The following ZDHHC7 variants were observed in gnomAD, a reference collection of about 807,000 sequenced individuals.
ZDHHC7 encodes zDHHC palmitoyltransferase 7, also known as palmitoyltransferase ZDHHC7.
ZDHHC7 carries 12 observed loss-of-function variants against 34.1 expected under a neutral mutation model. That is an observed-to-expected ratio of 0.35 (90% CI 0.23 to 0.57). ZDHHC7 has a LOEUF of 0.57. Among genes scored for constraint, ZDHHC7 ranks in the 20% least tolerant of loss-of-function variants. The probability of loss-of-function intolerance (pLI) is 0.84; values close to 1 mark genes in which losing one functional copy is unlikely to be tolerated. For missense variants in ZDHHC7, 388 were observed against 402.7 expected (o/e 0.96, Z 0.31); for synonymous variants, 185 against 155.4 (o/e 1.19, Z -1.42).
chr16:84,985,714 G>A (rs1349577901), intron 3 of ZDHHC7, among the ~76,000 whole-genome samples: 1 of 151,996 alleles, frequency 6.6e-6, no homozygotes, highest in Admixed American at 6.5e-5. Flanking sequence ...TAGAACTTTG[G>A]GAGGCCGAGG....
At chr16:85,011,826 C>T (rs2072798598), upstream of ZDHHC7, among the ~76,000 whole-genome samples, 1 of 152,198 alleles carries the variant, frequency 6.6e-6, no homozygotes, top group Non-Finnish European at 1.5e-5. Context: ...CCCGCGCCCG[C>T]GGCGGTGTCT....
chr16:84,978,304 C>A (rs1482602360), intron 5 of ZDHHC7, among the ~76,000 whole-genome samples: 1 of 152,164 alleles, frequency 6.6e-6, no homozygotes, highest in Non-Finnish European at 1.5e-5. Context: ...TTAAACAAGT[C>A]TTTCTAAGAG....
chr16:84,983,123 G>C (rs1489810783), intron 3 of ZDHHC7, among the ~76,000 whole-genome samples: 1 of 152,236 alleles, frequency 6.6e-6, no homozygotes, highest in East Asian at 1.9e-4. Flanking sequence ...CTGCCTCTTA[G>C]CCTGGATCCT....
rs1014012453 is a variant in ZDHHC7 at position 85,007,555 on chromosome 16, A to G, written c.-104+3731T>C. 4.6e-5 allele frequency among the ~76,000 whole-genome samples: 7 copies of G among 152,126 alleles called. No individual in the cohort carries two copies. In the East Asian group the frequency reaches 1.4e-3, roughly 29 times the overall value. ...TGGAAAAAACAATCAAAAAGGCAAG[A>G]GATAGTAAATGATAATTCACAGTCC... On this transcript the variant is annotated intron_variant, in intron 1 of 7. Transcript: ENST00000313732.
upstream of ZDHHC7, among the ~76,000 whole-genome samples, chr16:85,016,181 TTTATTA>T (rs1218468603): frequency 6.6e-6 from 1 of 151,974 alleles, no homozygotes; most frequent in East Asian, 1.9e-4. Flanking sequence ...CTTTTTAAAT[TTTATTA>T]TTATTATTTA....
the ZDHHC7 span, among the ~76,000 whole-genome samples, chr16:85,019,265 G>A: frequency 6.6e-6 from 1 of 152,064 alleles, no homozygotes; most frequent in African/African-American, 2.4e-5. Context: ...CACTTACCCC[G>A]TTGACTATTC....
chr16:84,997,457 G>C (rs940237305), intron 1 of ZDHHC7, among the ~76,000 whole-genome samples: 1 of 150,714 alleles, frequency 6.6e-6, no homozygotes, highest in Non-Finnish European at 1.5e-5. Flanking sequence ...ATTTTTAGTA[G>C]AGACGTGGTT....
At chr16:85,006,613 A>C (rs888818283) in intron 1 of ZDHHC7, among the ~76,000 whole-genome samples, 5 of 151,886 alleles carry the variant, frequency 3.3e-5, no homozygotes, top group Non-Finnish European at 5.9e-5. Flanking sequence ...AGTGGCATGC[A>C]CCTGTAGCCC....
Position 85,008,033 on chromosome 16 carries a change from T to C in ZDHHC7, c.-104+3253A>G, listed in dbSNP as rs2072740624. On this transcript the variant is annotated intron_variant, in intron 1 of 7. Transcript: ENST00000313732. ...AGGAGGCTGAGGTAGAAGAAACCAC[T>C]TGAGCCCAGGAGATCAAGGCTGTAG... Among the ~76,000 whole-genome samples the C allele has an allele frequency of 7.9e-5, 12 of 151,926 alleles. No individual in the cohort carries two copies. In the South Asian group the frequency reaches 2.3e-3, roughly 29 times the overall value.
chr16:84,982,142 C>T, intron 3 of ZDHHC7, 148 bp from the exon 4 acceptor site: 1 of 953,108 alleles, frequency 1.0e-6, no homozygotes, highest in South Asian at 1.5e-5. Flanking sequence ...CCAGCCTGGC[C>T]AACCCAGCCT....
intron 1 of ZDHHC7, among the ~76,000 whole-genome samples, chr16:85,000,318 C>T (rs1160307086): frequency 6.6e-6 from 1 of 152,102 alleles, no homozygotes; most frequent in Non-Finnish European, 1.5e-5. Flanking sequence ...GGATAACCCG[C>T]GTTCCTGAGT....
intron 4 of ZDHHC7, among the ~76,000 whole-genome samples, chr16:84,980,648 C>T (rs1205117068): frequency 1.3e-5 from 2 of 151,970 alleles, no homozygotes; most frequent in Admixed American, 6.6e-5. Context: ...CCAGCCTGGG[C>T]GACAGAGCAA....
the ZDHHC7 span, among the ~76,000 whole-genome samples, chr16:85,026,906 G>C: frequency 3.9e-5 from 6 of 152,236 alleles, no homozygotes; most frequent in African/African-American, 1.4e-4. Flanking sequence ...TTTGCTAGGT[G>C]CTGGAGTCGA....
chr16:84,997,917 A>C (rs146461442), intron 1 of ZDHHC7, among the ~76,000 whole-genome samples: 6,820 of 146,888 alleles, frequency 0.046, 264 homozygotes, highest in East Asian at 0.17. Flanking sequence ...AAAAAAAAAA[A>C]ATAGAAATGT....
Position 84,976,479 on chromosome 16 carries a change from C to G in ZDHHC7, c.791G>C (p.Arg264Pro), listed in dbSNP as rs779828146. The G allele has an allele frequency of 9.3e-6, 15 of 1,614,048 alleles. No individual in the cohort carries two copies. The East Asian group carries it at 3.3e-4, about 36-fold the overall frequency. Residue 264 changes from arginine (R) to proline (P), a missense_variant, in exon 8 of 8, where the codon CGG becomes CCG. By Grantham distance (103) the Arg-to-Pro change is moderately radical. Transcript: ENST00000313732. ...RLKSEKPTWE[R>P]RLRWEGMKSV... The stretch of plus-strand genomic sequence containing the variant: ...CTTCATCCCTTCCCATCGCAGCCTC[C>G]GCTCCCATGTGGGCTTCTCACTTTT...
At chr16:84,981,761 A>G (rs2072371470) in intron 4 of ZDHHC7, 109 bp downstream of exon 4, 3 of 1,582,440 alleles carry the variant, frequency 1.9e-6, no homozygotes, top group Admixed American at 3.4e-5. Context: ...CGTTGCCCAG[A>G]TGCTCGGGGG....
upstream of ZDHHC7, among the ~76,000 whole-genome samples, chr16:85,013,266 G>A (rs1164928744): frequency 6.6e-6 from 1 of 152,076 alleles, no homozygotes; most frequent in Non-Finnish European, 1.5e-5. Context: ...ACTTTGAGAT[G>A]GAGTCTCGCT....
At chr16:84,980,481 C>A (rs536587765) in intron 4 of ZDHHC7, among the ~76,000 whole-genome samples, 1 of 151,938 alleles carries the variant, frequency 6.6e-6, no homozygotes, top group Non-Finnish European at 1.5e-5. Flanking sequence ...ACCAGCCTGG[C>A]CAATGTGGCA....
At position 85,011,450 on chromosome 16, in the gene ZDHHC7, G is replaced by A. The variant is rs2270846; in HGVS notation, c.-268C>T. On this transcript the variant is annotated 5_prime_UTR_variant, in exon 1 of 8. Coordinates refer to ENST00000313732, the MANE Select transcript of ZDHHC7 (RefSeq NM_017740.3). ...TCGGCTTGGTCCCCTGGGTCCCGCC[G>A]GGCAGGTCGGAAGGAGGCTGCAGCC... 61,280 of 151,836 alleles carry A rather than the reference G, an allele frequency of 0.4. 13,565 individuals carry two copies. Among genetic ancestry groups the A allele is most frequent in the African/African-American group, 0.59 (24,663 of 41,462 alleles). 9.4% of individuals were successfully genotyped at this position (151,836 alleles called of 1,614,324 possible).
Sources: gnomAD v4.1 joint callset for allele counts (sites outside exome capture counted in the v4.1 genomes callset) on GRCh38, gnomAD v4.1.1 for gene constraint, MANE v1.5 for transcripts, NCBI Gene and HGNC (gene_info 2026-07-23, HGNC 2026-07-21) for gene names.